CROT: variants seen among roughly 807,000 people sequenced by gnomAD.
The protein encoded by CROT is peroxisomal carnitine O-octanoyltransferase.
In CROT, 84 loss-of-function variants were observed where a neutral mutation model predicts 89.2. That is an observed-to-expected ratio of 0.94 (90% confidence interval 0.79 to 1.13). The LOEUF (loss-of-function observed/expected upper bound fraction) is 1.13. CROT is among the 50% of genes most tolerant of loss of function. The pLI, the probability that CROT is intolerant of heterozygous loss-of-function variation, is 0.00. For missense variants in CROT, 711 were observed against 727.8 expected, an observed-to-expected ratio of 0.98 and a Z score of 0.27; for synonymous variants, 212 against 239.5, an observed-to-expected ratio of 0.89 and a Z score of 1.06.
At chr7:87,398,255 C>G in intron 17 of CROT, 3 of 605,168 alleles carry the variant, frequency 5.0e-6, no homozygotes. Context: ...GTTTTAAACG[C>G]AGTAAGACCT....
At chr7:87,348,488 A>G (rs1226326005) in intron 2 of CROT, among the ~76,000 whole-genome samples, 3 of 152,222 alleles carry the variant, frequency 2.0e-5, no homozygotes, top group African/African-American at 4.8e-5. Context: ...TTTGTGCTCC[A>G]AAGTTTTCTA....
At chr7:87,346,863 G>T (rs1240347932) in intron 2 of CROT, among the ~76,000 whole-genome samples, 1 of 152,144 alleles carries the variant, frequency 6.6e-6, no homozygotes, top group East Asian at 1.9e-4. Context: ...AGTTTGGGTG[G>T]GCTTAGCTGA....
chr7:87,350,339 A>G (rs1320857995), intron 3 of CROT, among the ~76,000 whole-genome samples: 3 of 152,148 alleles, frequency 2.0e-5, no homozygotes, highest in African/African-American at 7.2e-5. Flanking sequence ...TTGCAAGCCC[A>G]CTGGTCTTAT....
Position 87,375,726 on chromosome 7 carries a change from G to T in CROT, c.750+1G>T, listed in dbSNP as rs540964492. On this transcript the variant is annotated splice_donor_variant, in intron 8 of 17. Coordinates refer to ENST00000331536, the MANE Select transcript of CROT (RefSeq NM_021151.4). LOFTEE classifies it high-confidence loss of function. ...TGAGGAGCGAACTCGATGGGCTAAG[G>T]TTCTGATTTACACTTTTCTTAACGA... 6.2e-7 allele frequency: 1 copy of T among 1,613,272 alleles called. No homozygotes were observed. Among genetic ancestry groups the T allele is most frequent in the South Asian group, 1.1e-5 (1 of 91,048 alleles).
rs1806551898 is a variant in CROT, at chr7:87,369,413, G to A, written c.585G>A (p.Leu195=). 6.2e-7 allele frequency: 1 copy of A among 1,613,010 alleles called. No homozygotes were observed. Among genetic ancestry groups the A allele is most frequent in the Admixed American group, 1.7e-5 (1 of 59,844 alleles). Residue 195 remains leucine, a synonymous_variant, in exon 7 of 18, where the codon CTG becomes CTA. Transcript: ENST00000331536. ...EGRSPNHIVV[L]CRGRAFVFDV... Reference sequence around the variant, plus strand: ...GTTCCCCAAACCACATTGTAGTGCTGTGTCGAGGCCGAGCTTTTGTCTTTG... The same window carrying A: ...GTTCCCCAAACCACATTGTAGTGCTATGTCGAGGCCGAGCTTTTGTCTTTG...
chr7:87,380,367 C>A (rs916307743), intron 10 of CROT, among the ~76,000 whole-genome samples: 1 of 152,240 alleles, frequency 6.6e-6, no homozygotes, highest in Admixed American at 6.5e-5. Context: ...ACAATAGTTA[C>A]TAATTATTGC....
chr7:87,395,079 A>G (rs1807483969), intron 17 of CROT, among the ~76,000 whole-genome samples: 1 of 152,178 alleles, frequency 6.6e-6, no homozygotes, highest in South Asian at 2.1e-4. Flanking sequence ...TAGGATATTT[A>G]AGAAGTATGT....
intron 7 of CROT, among the ~76,000 whole-genome samples, chr7:87,373,409 A>C (rs1196764196): frequency 1.3e-5 from 2 of 152,024 alleles, no homozygotes; most frequent in African/African-American, 4.8e-5. Context: ...TTGATGCACA[A>C]TATTTTTCGT....
intron 4 of CROT, 45 bp downstream of exon 4, chr7:87,359,375 T>C: frequency 6.5e-7 from 1 of 1,538,528 alleles, no homozygotes; most frequent in Non-Finnish European, 8.8e-7. Context: ...TAAAGAATGA[T>C]AAATAAAAAG....
chr7:87,369,554 G>A, intron 7 of CROT, 70 bp downstream of exon 7: 1 of 933,154 alleles, frequency 1.1e-6, no homozygotes, highest in Non-Finnish European at 1.6e-6. Flanking sequence ...TACATGTTTA[G>A]AATTGCCTTT....
intron 3 of CROT, among the ~76,000 whole-genome samples, chr7:87,349,504 C>T (rs1210300154): frequency 1.3e-5 from 2 of 152,140 alleles, no homozygotes; most frequent in Non-Finnish European, 2.9e-5. Flanking sequence ...ATTTATTATT[C>T]TGTTGATTTA....
chr7:87,394,739 A>AAG (rs1303547068), intron 17 of CROT, among the ~76,000 whole-genome samples: 1 of 152,156 alleles, frequency 6.6e-6, no homozygotes, highest in East Asian at 1.9e-4. Context: ...AGACTCTACT[A>AAG]TGATTCTAGA....
chr7:87,384,347 CAT>C (rs1807125138), intron 13 of CROT, among the ~76,000 whole-genome samples: 1 of 152,138 alleles, frequency 6.6e-6, no homozygotes, highest in Non-Finnish European at 1.5e-5. Context: ...GCCTGGCCAA[CAT>C]AGCGAAACCC....
intron 6 of CROT, among the ~76,000 whole-genome samples, chr7:87,362,232 C>T (rs544583502): frequency 2.6e-4 from 40 of 151,466 alleles, no homozygotes; most frequent in Admixed American, 1.6e-3. Flanking sequence ...ATGTGCTTAT[C>T]ATGCCACAGT....
chr7:87,362,807 T>C (rs1485314185), intron 6 of CROT, among the ~76,000 whole-genome samples: 1 of 152,182 alleles, frequency 6.6e-6, no homozygotes, highest in Non-Finnish European at 1.5e-5. Context: ...TATTTAAAAG[T>C]AAAATATTTA....
At chr7:87,362,388 C>G (rs1258292172) in intron 6 of CROT, among the ~76,000 whole-genome samples, 1 of 151,488 alleles carries the variant, frequency 6.6e-6, no homozygotes, top group Non-Finnish European at 1.5e-5. Flanking sequence ...CCTCCACCTC[C>G]TGGGCACAAG....
chr7:87,393,087 T>C lies in CROT; in HGVS notation c.1718+20T>C, dbSNP rs1807422486. The C allele has an allele frequency of 5.6e-6, 9 of 1,609,990 alleles. No individual in the cohort carries two copies. Among genetic ancestry groups the C allele is most frequent in the Non-Finnish European group, 7.6e-6 (9 of 1,178,510 alleles). ...TGACAGGTGAGGCTTCTCTTTTTTA[T>C]TCTTTCTGTGCTATAGAGTAGGAAA... On this transcript the variant is annotated intron_variant, in intron 17 of 17. Coordinates refer to ENST00000331536, the MANE Select transcript of CROT (RefSeq NM_021151.4).
rs772872517 is a variant in CROT at position 87,392,534 on chromosome 7, G to T, written c.1426-32G>T. On this transcript the variant is annotated intron_variant, in intron 14 of 17. Coordinates refer to ENST00000331536, the MANE Select transcript of CROT (RefSeq NM_021151.4). Reference sequence around the variant, plus strand: ...TTTCTAGTTGGGTTTTGCACAGTGTGTTATTGAAGTGTCTCTCGATTTTTA... The same window carrying T: ...TTTCTAGTTGGGTTTTGCACAGTGTTTTATTGAAGTGTCTCTCGATTTTTA... 1.9e-6 allele frequency: 3 copies of T among 1,573,054 alleles called. No homozygotes were observed. The African/African-American group carries it at 4.1e-5, about 21-fold the overall frequency.
intron 2 of CROT, among the ~76,000 whole-genome samples, chr7:87,347,372 A>G (rs1249457938): frequency 6.6e-6 from 1 of 152,228 alleles, no homozygotes; most frequent in Non-Finnish European, 1.5e-5. Context: ...AGGCATTGAA[A>G]ACAAATTCTG....
Sources: allele counts gnomAD v4.1 joint callset (sites outside exome capture counted in the v4.1 genomes callset), GRCh38; gene constraint gnomAD v4.1.1; transcripts MANE v1.5; gene names NCBI Gene and HGNC (gene_info 2026-07-23, HGNC 2026-07-21).